Variants in SH3D19 observed in about 807,000 individuals in gnomAD.
SH3D19 encodes the protein SH3 domain-containing protein 19.
A neutral mutation model predicts 112.1 loss-of-function variants in SH3D19; 58 were observed. The observed-to-expected ratio is 0.52, with a 90% CI of 0.42 to 0.64. The LOEUF (loss-of-function observed/expected upper bound fraction) is 0.64. SH3D19 is among the 30% of genes least tolerant of loss of function. SH3D19 has a pLI of 0.00. For missense variants in SH3D19, 1,090 were observed against 1,263.4 expected, an observed-to-expected ratio of 0.86 and a Z score of 2.08; for synonymous variants, 391 against 448.5, an observed-to-expected ratio of 0.87 and a Z score of 1.62.
chr4:151,130,232 A>G (rs1579644185), intron 17 of SH3D19, among the ~76,000 whole-genome samples: 1 of 152,286 alleles, frequency 6.6e-6, no homozygotes, highest in East Asian at 1.9e-4. Context: ...GCTTGAGCCC[A>G]GGATTTTGAG....
At chr4:151,180,732 A>G (rs1561294003) in intron 3 of SH3D19, among the ~76,000 whole-genome samples, 1 of 147,944 alleles carries the variant, frequency 6.8e-6, no homozygotes, top group African/African-American at 2.5e-5. Context: ...TTCAATTTTT[A>G]TGTAATAGAG....
At chr4:151,247,119 T>C (rs1410243582) in intron 1 of SH3D19, among the ~76,000 whole-genome samples, 1 of 152,222 alleles carries the variant, frequency 6.6e-6, no homozygotes, top group East Asian at 1.9e-4. Flanking sequence ...TGATCCTGAA[T>C]TCTATAAAAT....
chr4:151,146,382 C>T (rs1753919547), intron 11 of SH3D19, among the ~76,000 whole-genome samples: 1 of 150,444 alleles, frequency 6.6e-6, no homozygotes, highest in Non-Finnish European at 1.5e-5. Flanking sequence ...CTGAAACCTC[C>T]ATCTCCTGGG....
chr4:151,301,091 C>G (rs1309203239), intron 1 of SH3D19, among the ~76,000 whole-genome samples: 1 of 152,228 alleles, frequency 6.6e-6, no homozygotes, highest in Non-Finnish European at 1.5e-5. Flanking sequence ...ACCCAAATCT[C>G]ATGTCAAATT....
chr4:151,190,790 C>T lies in SH3D19; in HGVS notation c.153-3327G>A, dbSNP rs190179655. Among the ~76,000 whole-genome samples, 371 of 152,262 alleles carry T rather than the reference C, an allele frequency of 2.4e-3. 2 individuals are homozygous for T. The highest frequency in any genetic ancestry group is 8.5e-3 in the African/African-American group (355 of 41,550). ...GCAGTGCAGAAGGGAAATGTGGGGT[C>T]GGAGCCCCAACACAGAGTCCCTACT... On this transcript the variant is annotated intron_variant, in intron 2 of 19. Transcript: ENST00000604030.
chr4:151,257,256 T>G (rs1185472402), intron 1 of SH3D19, among the ~76,000 whole-genome samples: 1 of 151,926 alleles, frequency 6.6e-6, no homozygotes, highest in African/African-American at 2.4e-5. Context: ...CCCGGCTAAT[T>G]TTTGTATTTT....
At chr4:151,316,733 C>T (rs927365036) in intron 1 of SH3D19, among the ~76,000 whole-genome samples, 3 of 151,770 alleles carry the variant, frequency 2.0e-5, no homozygotes, top group Non-Finnish European at 2.9e-5. Flanking sequence ...TGAGCCCATC[C>T]CCACCACAAG....
intron 1 of SH3D19, chr4:151,262,948 G>A (rs1360452844): frequency 6.6e-6 from 1 of 152,142 alleles, no homozygotes; most frequent in Non-Finnish European, 1.5e-5. Flanking sequence ...ATTTTCCTGA[G>A]GCCACCTTAA....
intron 1 of SH3D19, among the ~76,000 whole-genome samples, chr4:151,293,403 A>G (rs1183944066): frequency 2.7e-5 from 4 of 148,824 alleles, no homozygotes; most frequent in African/African-American, 1.0e-4. Context: ...AACCTGGGAG[A>G]CGGAGCTTGC....
At chr4:151,207,306 TA>T (rs1765262931) in intron 2 of SH3D19, among the ~76,000 whole-genome samples, 1 of 152,210 alleles carries the variant, frequency 6.6e-6, no homozygotes, top group Non-Finnish European at 1.5e-5. Flanking sequence ...GAGTGATTGG[TA>T]AAAGCTTGAA....
At chr4:151,127,473 T>C (rs1353912336) in intron 19 of SH3D19, 145 bp downstream of exon 19, 12 of 525,514 alleles carry the variant, frequency 2.3e-5, no homozygotes. Context: ...TCACTTTCTC[T>C]AATGTCTTCC....
chr4:151,263,502 G>C (rs1307910570), intron 1 of SH3D19, among the ~76,000 whole-genome samples: 2 of 152,228 alleles, frequency 1.3e-5, no homozygotes, highest in Admixed American at 1.3e-4. Context: ...CCAACACTCA[G>C]TAGCTAAAAC....
chr4:151,146,545 G>A (rs1010731289), intron 11 of SH3D19, among the ~76,000 whole-genome samples: 12 of 150,222 alleles, frequency 8.0e-5, no homozygotes, highest in African/African-American at 2.9e-4. Context: ...TTGTTGTTTT[G>A]TTTTTTTGAG....
intron 1 of SH3D19, among the ~76,000 whole-genome samples, chr4:151,315,607 T>G (rs914283228): frequency 6.6e-6 from 1 of 152,268 alleles, no homozygotes; most frequent in African/African-American, 2.4e-5. Context: ...AGGTGGGGCC[T>G]AGAGACAATC....
At chr4:151,266,809 T>A (rs1772825585) in intron 1 of SH3D19, among the ~76,000 whole-genome samples, 1 of 152,186 alleles carries the variant, frequency 6.6e-6, no homozygotes. Context: ...GAAACTCATA[T>A]TTACTTTATG....
intron 2 of SH3D19, among the ~76,000 whole-genome samples, chr4:151,218,805 G>A (rs538839728): frequency 6.6e-6 from 1 of 152,168 alleles, no homozygotes; most frequent in African/African-American, 2.4e-5. Flanking sequence ...TATTATTTGT[G>A]TTTTGCCATG....
intron 1 of SH3D19, among the ~76,000 whole-genome samples, chr4:151,266,828 G>A (rs974131760): frequency 6.6e-6 from 1 of 152,140 alleles, no homozygotes; most frequent in African/African-American, 2.4e-5. Flanking sequence ...TGACTCCTCT[G>A]TGTTAAGTAC....
chr4:151,154,839 C>A (rs1755775713), intron 9 of SH3D19, among the ~76,000 whole-genome samples: 1 of 152,068 alleles, frequency 6.6e-6, no homozygotes, highest in Non-Finnish European at 1.5e-5. Flanking sequence ...CTCACTGCAA[C>A]CTCCACTTCC....
At chr4:151,175,722 G>A (rs978904302) in intron 6 of SH3D19, 48 bp from the exon 7 acceptor site, 16 of 1,236,200 alleles carry the variant, frequency 1.3e-5, no homozygotes, top group African/African-American at 9.3e-5. Flanking sequence ...AAGCCATAAC[G>A]TTAACAATGT....
Sources: allele counts gnomAD v4.1 joint callset (sites outside exome capture counted in the v4.1 genomes callset), GRCh38; gene constraint gnomAD v4.1.1; transcripts MANE v1.5; gene names NCBI Gene and HGNC (gene_info 2026-07-23, HGNC 2026-07-21).